The following RAD51B variants were observed in gnomAD, a reference collection of about 807,000 sequenced individuals.
The protein encoded by RAD51B is DNA repair protein RAD51 homolog 2.
A neutral mutation model predicts 42.2 loss-of-function variants in RAD51B; 38 were observed. The ratio of observed to expected loss-of-function variants is 0.90; its 90% CI spans 0.70 to 1.18. The LOEUF (loss-of-function observed/expected upper bound fraction) is 1.18, where lower values mean the gene tolerates loss of function less well. RAD51B is among the 50% of genes most tolerant of loss of function. The probability of loss-of-function intolerance (pLI) is 0.00; values close to 1 mark genes in which losing one functional copy is unlikely to be tolerated. For synonymous variants in RAD51B, 154 were observed against 145.2 expected, an observed-to-expected ratio of 1.06 and a Z score of -0.43; for missense variants, 373 against 400.7, an observed-to-expected ratio of 0.93 and a Z score of 0.59.
chr14:68,461,846 A>G (rs1391154964), intron 9 of RAD51B, among the ~76,000 whole-genome samples: 2 of 152,234 alleles, frequency 1.3e-5, no homozygotes, highest in African/African-American at 2.4e-5. Flanking sequence ...GGAGAAGCCC[A>G]TGGGCCCCAA....
chr14:68,273,783 C>T (rs1471606147), intron 7 of RAD51B, among the ~76,000 whole-genome samples: 8 of 152,126 alleles, frequency 5.3e-5, no homozygotes, highest in Admixed American at 5.2e-4. Context: ...AACTCCTGGG[C>T]TCAAGCGATC....
At chr14:68,187,043 T>C (rs1202311625) in intron 7 of RAD51B, among the ~76,000 whole-genome samples, 1 of 152,312 alleles carries the variant, frequency 6.6e-6, no homozygotes, top group East Asian at 1.9e-4. Context: ...AATGAAGTCA[T>C]GTCCTTTGCA....
chr14:68,669,621 G>A (rs1030670821), intron 11 of RAD51B, among the ~76,000 whole-genome samples: 6 of 128,994 alleles, frequency 4.7e-5, no homozygotes, highest in Admixed American at 4.2e-4. Context: ...TATCAAACCC[G>A]CCACTTACAC....
intron 7 of RAD51B, among the ~76,000 whole-genome samples, chr14:67,948,553 A>G (rs921181897): frequency 1.3e-5 from 2 of 151,858 alleles, no homozygotes; most frequent in African/African-American, 2.4e-5. Context: ...TGAGTGATAC[A>G]TTTTTTTTGG....
intron 7 of RAD51B, among the ~76,000 whole-genome samples, chr14:68,175,798 G>A (rs903198856): frequency 3.9e-5 from 6 of 152,062 alleles, no homozygotes; most frequent in South Asian, 2.1e-4. Context: ...TCACTCTACC[G>A]CCTTTTATTA....
At chr14:68,189,322 T>A (rs942097846) in intron 7 of RAD51B, among the ~76,000 whole-genome samples, 2 of 152,132 alleles carry the variant, frequency 1.3e-5, no homozygotes, top group African/African-American at 4.8e-5. Context: ...CACTACATAA[T>A]TTCCTCAGTT....
At chr14:68,268,723 T>C (rs1299620141) in intron 7 of RAD51B, among the ~76,000 whole-genome samples, 1 of 152,236 alleles carries the variant, frequency 6.6e-6, no homozygotes, top group African/African-American at 2.4e-5. Context: ...CATGAGACTT[T>C]CAAATCCTCA....
At chr14:68,361,976 C>A (rs532631249) in intron 8 of RAD51B, among the ~76,000 whole-genome samples, 1 of 152,068 alleles carries the variant, frequency 6.6e-6, no homozygotes, top group South Asian at 2.1e-4. Flanking sequence ...GCACCTGGCC[C>A]CTTGAAGTCT....
At chr14:68,094,647 C>T (rs888659061) in intron 7 of RAD51B, among the ~76,000 whole-genome samples, 11 of 151,960 alleles carry the variant, frequency 7.2e-5, no homozygotes, top group Non-Finnish European at 2.9e-5. Flanking sequence ...ATAAAATAAG[C>T]CAACAGAGGC....
intron 7 of RAD51B, among the ~76,000 whole-genome samples, chr14:68,178,860 A>T (rs895113205): frequency 2.0e-5 from 3 of 152,210 alleles, no homozygotes; most frequent in Non-Finnish European, 4.4e-5. Flanking sequence ...AAAAACCTGA[A>T]AAACAAAAAA....
At chr14:68,221,176 C>T (rs765080414) in intron 7 of RAD51B, among the ~76,000 whole-genome samples, 3 of 152,154 alleles carry the variant, frequency 2.0e-5, no homozygotes, top group Non-Finnish European at 4.4e-5. Flanking sequence ...CAACATTCTT[C>T]ACAGAACTAG....
intron 7 of RAD51B, among the ~76,000 whole-genome samples, chr14:68,014,950 G>A (rs2075752452): frequency 6.6e-6 from 1 of 152,080 alleles, no homozygotes; most frequent in African/African-American, 2.4e-5. Flanking sequence ...GGCCACCCGG[G>A]ATGCTTTGTT....
chr14:68,085,293 A>G (rs1446649970), intron 7 of RAD51B, among the ~76,000 whole-genome samples: 2 of 152,172 alleles, frequency 1.3e-5, no homozygotes, highest in Non-Finnish European at 2.9e-5. Flanking sequence ...GGCTGGATGT[A>G]TAGATTGGGT....
chr14:68,382,045 G>C (rs1199168213), intron 8 of RAD51B, among the ~76,000 whole-genome samples: 1 of 152,210 alleles, frequency 6.6e-6, no homozygotes, highest in African/African-American at 2.4e-5. Context: ...GTAGAGAAAA[G>C]ACCTAGGAAG....
rs532906803 is a variant in RAD51B at position 68,428,707 on chromosome 14, TTATATATATATATA to T, written c.957+17225_957+17238del. ...CATGTTGCATATGGCAGGATTTTCT[TTATATATATATATA>T]TATATATATATATATATATATATAT... On this transcript the variant is annotated intron_variant, in intron 9 of 10. Transcript: ENST00000471583. Among the ~76,000 whole-genome samples, 290 of 99,490 alleles carry T rather than the reference TTATATATATATATA, an allele frequency of 2.9e-3. 2 individuals carry two copies. The highest frequency in any genetic ancestry group is 5.4e-3 in the Middle Eastern group (1 of 186). 65.3% of individuals were successfully genotyped at this position (99,490 alleles called of 152,430 possible).
intron 10 of RAD51B, among the ~76,000 whole-genome samples, chr14:68,573,980 A>ATGTGTGTG (rs58865001): frequency 0.018 from 2,646 of 149,796 alleles, 51 homozygotes; most frequent in African/African-American, 0.05. Flanking sequence ...CAGTGTGTGT[A>ATGTGTGTG]TGTGTGTGTG....
chr14:68,072,743 T>G (rs1430280635), intron 7 of RAD51B, among the ~76,000 whole-genome samples: 2 of 152,202 alleles, frequency 1.3e-5, no homozygotes, highest in Non-Finnish European at 1.5e-5. Context: ...CTTGTTTTCA[T>G]TAGTTTCAAA....
chr14:68,257,400 A>C (rs771794561), intron 7 of RAD51B, among the ~76,000 whole-genome samples: 1 of 152,182 alleles, frequency 6.6e-6, no homozygotes, highest in Non-Finnish European at 1.5e-5. Context: ...CAAAAAATTA[A>C]AAATTAAAAT....
chr14:68,192,454 T>C (rs1178753508), intron 7 of RAD51B, among the ~76,000 whole-genome samples: 1 of 152,226 alleles, frequency 6.6e-6, no homozygotes, highest in East Asian at 1.9e-4. Context: ...AAGATCAAAT[T>C]ATAATCTTTA....
Sources: gnomAD v4.1 joint callset for allele counts (sites outside exome capture counted in the v4.1 genomes callset) on GRCh38, gnomAD v4.1.1 for gene constraint, MANE v1.5 for transcripts, NCBI Gene and HGNC (gene_info 2026-07-23, HGNC 2026-07-21) for gene names.